NCKAP5: variants seen among roughly 807,000 people sequenced by gnomAD.
NCKAP5 encodes NCK associated protein 5.
In NCKAP5, 92 loss-of-function variants were observed where a neutral mutation model predicts 167.0. That is an observed-to-expected ratio of 0.55 (90% CI 0.47 to 0.66). The LOEUF (loss-of-function observed/expected upper bound fraction) is 0.66. Ranked by LOEUF, NCKAP5 falls within the 30% of genes least tolerant of loss-of-function variation. The pLI is 0.00. For missense variants in NCKAP5, 2,378 were observed against 2,315.0 expected (o/e 1.03, Z -0.56); for synonymous variants, 891 against 877.4 (o/e 1.02, Z -0.27).
At chr2:132,743,973 G>A (rs1328086345) in intron 16 of NCKAP5, among the ~76,000 whole-genome samples, 2 of 151,444 alleles carry the variant, frequency 1.3e-5, no homozygotes, top group African/African-American at 4.8e-5. Context: ...GTTATAACAA[G>A]GTAAATTTAT....
At chr2:132,836,161 T>G (rs1029388731) in intron 11 of NCKAP5, among the ~76,000 whole-genome samples, 2 of 152,224 alleles carry the variant, frequency 1.3e-5, no homozygotes, top group African/African-American at 4.8e-5. Flanking sequence ...CATGTTTCAC[T>G]GTTATTTCTT....
At chr2:133,513,025 G>A (rs1683632082) in intron 3 of NCKAP5, among the ~76,000 whole-genome samples, 1 of 152,162 alleles carries the variant, frequency 6.6e-6, no homozygotes. Flanking sequence ...AAGCACTTGA[G>A]GAAGCCTATC....
rs1211769745 is a variant in NCKAP5, at chr2:133,213,751, G to A, written c.172C>T (p.Arg58Ter). 8 of 1,613,730 alleles carry A rather than the reference G, an allele frequency of 5.0e-6. No homozygotes were observed. The highest frequency in any genetic ancestry group is 2.7e-5 in the African/African-American group (2 of 75,008). Reference sequence around the variant, plus strand: ...TCACTTGTTCTTTGGGCAACTTCTCGCTGTAGTCGGGCCACTGCCAACTTC... The same window carrying A: ...TCACTTGTTCTTTGGGCAACTTCTCACTGTAGTCGGGCCACTGCCAACTTC... ...REKLAVARLQ[R>*]EVAQRTSEGA... Residue 58 changes from arginine to a stop codon, truncating the protein, a stop_gained, in exon 5 of 20, where the codon CGA becomes TGA. Coordinates refer to ENST00000409261, the MANE Select transcript of NCKAP5 (RefSeq NM_207363.3). LOFTEE classifies it high-confidence loss of function.
intron 19 of NCKAP5, 86 bp downstream of exon 19, chr2:132,725,541 G>A: frequency 6.9e-7 from 1 of 1,439,664 alleles, no homozygotes; most frequent in South Asian, 1.5e-5. Context: ...AATCAAAGAG[G>A]GTGGGGGCCG....
At chr2:132,939,414 G>T (rs563430338) in intron 8 of NCKAP5, among the ~76,000 whole-genome samples, 28 of 152,238 alleles carry the variant, frequency 1.8e-4, no homozygotes, top group Admixed American at 1.6e-3. Flanking sequence ...GGGTAGGGTG[G>T]GTAGAAGAGG....
chr2:132,889,134 G>A (rs1454886634), intron 8 of NCKAP5, among the ~76,000 whole-genome samples: 1 of 152,124 alleles, frequency 6.6e-6, no homozygotes, highest in African/African-American at 2.4e-5. Context: ...ATAGGCCAGG[G>A]GACACTGAGA....
intron 16 of NCKAP5, among the ~76,000 whole-genome samples, chr2:132,772,423 C>T (rs530212463): frequency 6.6e-6 from 1 of 152,244 alleles, no homozygotes; most frequent in Admixed American, 6.5e-5. Context: ...CAAAGAATTG[C>T]TACCTACTAA....
chr2:132,782,574 T>C lies in NCKAP5; in HGVS notation c.4237A>G (p.Ser1413Gly). 1 of 1,583,360 alleles carries C rather than the reference T, an allele frequency of 6.3e-7. No homozygotes were observed. Among genetic ancestry groups the C allele is most frequent in the Non-Finnish European group, 8.6e-7 (1 of 1,164,372 alleles). ...VLGEPGSDRR[S>G]CPPTPTDCPE... ...CAGTCTGTTGGGGTGGGTGGGCAAC[T>C]GCGGCGGTCACTGCCTGGTTCCCCA... The change falls in exon 14 of 20, where the codon AGT (serine) becomes GGT (glycine). Residue 1413 changes from serine to glycine, a missense_variant. This residue lies in a region of NCKAP5 where 1,325 missense variants were observed against 1,274.5 expected (regional missense o/e 1.04). Coordinates refer to ENST00000409261, the MANE Select transcript of NCKAP5 (RefSeq NM_207363.3).
At chr2:133,515,794 G>T (rs1310315753) in intron 3 of NCKAP5, among the ~76,000 whole-genome samples, 1 of 152,170 alleles carries the variant, frequency 6.6e-6, no homozygotes, top group Admixed American at 6.5e-5. Context: ...GGTTACTCAC[G>T]TCCCCCTGCC....
intron 4 of NCKAP5, among the ~76,000 whole-genome samples, chr2:133,297,553 A>G (rs1680056605): frequency 6.6e-6 from 1 of 152,208 alleles, no homozygotes; most frequent in African/African-American, 2.4e-5. Flanking sequence ...TGGTTATGCT[A>G]TAAGAACCAA....
intron 5 of NCKAP5, among the ~76,000 whole-genome samples, chr2:133,143,576 G>A (rs1277449616): frequency 6.6e-6 from 1 of 152,194 alleles, no homozygotes; most frequent in East Asian, 1.9e-4. Flanking sequence ...ACGTAAGACA[G>A]GGAAACATGT....
At chr2:133,538,701 C>A (rs1259970464) in intron 2 of NCKAP5, among the ~76,000 whole-genome samples, 5 of 152,066 alleles carry the variant, frequency 3.3e-5, no homozygotes, top group Admixed American at 3.3e-4. Flanking sequence ...GAGACAAAGG[C>A]CAGCCAGCTT....
At chr2:132,894,888 C>T (rs904685355) in intron 8 of NCKAP5, among the ~76,000 whole-genome samples, 12 of 152,020 alleles carry the variant, frequency 7.9e-5, no homozygotes, top group Admixed American at 5.2e-4. Flanking sequence ...TGCCGTTCTG[C>T]GAGGACAGGA....
At chr2:133,069,224 C>A (rs2080303809) in intron 6 of NCKAP5, among the ~76,000 whole-genome samples, 1 of 152,166 alleles carries the variant, frequency 6.6e-6, no homozygotes, top group African/African-American at 2.4e-5. Context: ...AATAAAATCC[C>A]TTCCAGCCCA....
the NCKAP5 span, among the ~76,000 whole-genome samples, chr2:133,581,294 G>A: frequency 6.6e-6 from 1 of 152,166 alleles, no homozygotes; most frequent in Non-Finnish European, 1.5e-5. Context: ...GCCAGAGATG[G>A]TTATCTTATT....
At chr2:133,634,215 C>T in the NCKAP5 span, among the ~76,000 whole-genome samples, 3 of 152,116 alleles carry the variant, frequency 2.0e-5, no homozygotes, top group African/African-American at 7.2e-5. Context: ...AGTCCCGGGG[C>T]GCTAACTAAG....
At chr2:133,311,441 C>T (rs551377069) in intron 3 of NCKAP5, among the ~76,000 whole-genome samples, 42 of 152,148 alleles carry the variant, frequency 2.8e-4, no homozygotes, top group Non-Finnish European at 5.0e-4. Context: ...TCTGGAAGCC[C>T]CTTGAGCCCA....
intron 8 of NCKAP5, among the ~76,000 whole-genome samples, chr2:132,912,560 G>T (rs1036959514): frequency 2.6e-5 from 4 of 152,094 alleles, no homozygotes; most frequent in Non-Finnish European, 4.4e-5. Context: ...GCTTCCTATG[G>T]TTCCTTTGAT....
intron 12 of NCKAP5, among the ~76,000 whole-genome samples, chr2:132,794,496 C>G (rs1173598259): frequency 2.0e-5 from 3 of 151,396 alleles, no homozygotes; most frequent in Non-Finnish European, 4.4e-5. Flanking sequence ...TTTAGCCAGG[C>G]ATGGTGGTGT....
Sources: gnomAD v4.1 joint callset for allele counts (sites outside exome capture counted in the v4.1 genomes callset) on GRCh38, gnomAD v4.1.1 for gene constraint, gnomAD v4.1.1 regional missense constraint, MANE v1.5 for transcripts, NCBI Gene and HGNC (gene_info 2026-07-23, HGNC 2026-07-21) for gene names.